PIEZO2: variants seen among roughly 807,000 people sequenced by gnomAD.
The protein encoded by PIEZO2 is piezo-type mechanosensitive ion channel component 2.
Under a neutral mutation model 337.3 loss-of-function variants are expected in PIEZO2, and 172 were observed. The ratio of observed to expected loss-of-function variants is 0.51; its 90% CI spans 0.45 to 0.58. The LOEUF (loss-of-function observed/expected upper bound fraction) is 0.58. Ranked by LOEUF, PIEZO2 falls within the 20% of genes least tolerant of loss-of-function variation. The pLI, the probability that PIEZO2 is intolerant of heterozygous loss-of-function variation, is 0.00. For missense variants in PIEZO2, 3,028 were observed against 3,391.3 expected (o/e 0.89, Z 2.66); for synonymous variants, 1,251 against 1,228.5 (o/e 1.02, Z -0.38).
Position 10,761,086 on chromosome 18 carries a change from A to G in PIEZO2, c.3275T>C (p.Leu1092Pro), listed in dbSNP as rs368201706. 3 of 1,537,132 alleles carry G rather than the reference A, an allele frequency of 2.0e-6. No homozygotes were observed. Among genetic ancestry groups the G allele is most frequent in the Non-Finnish European group, 2.6e-6 (3 of 1,146,888 alleles). The stretch of plus-strand genomic sequence containing the variant: ...GCGGTAAATGGTGACTTCAAAGGCC[A>G]GGATAGCCAGCATCAGGAGGTTATT... Reference protein sequence around the residue: ...LRNNLLMLAILAFEVTIYRHQ... With the variant: ...LRNNLLMLAIPAFEVTIYRHQ... The change falls in exon 24 of 56, where the codon CTG (leucine) becomes CCG (proline). Residue 1092 changes from leucine to proline, a missense_variant. Physicochemically the swap from Leu to Pro is moderately conservative, Grantham distance 98. Transcript: ENST00000674853.
intron 2 of PIEZO2, among the ~76,000 whole-genome samples, chr18:11,013,987 G>C (rs1429020696): frequency 2.6e-5 from 4 of 152,204 alleles, no homozygotes; most frequent in African/African-American, 9.7e-5. Context: ...CTTGCAATGG[G>C]GCTGAAGAAA....
At chr18:10,780,459 A>G in intron 17 of PIEZO2, 93 bp from the exon 18 acceptor site, 1 of 694,394 alleles carries the variant, frequency 1.4e-6, no homozygotes, top group Non-Finnish European at 2.6e-6. Context: ...AACAAAGTGG[A>G]CTCCCTTAAG....
In PIEZO2 at chr18:11,109,443, C is replaced by T. The variant is rs1042023467; in HGVS notation, c.64+39082G>A. ...TATGGAATTAGAAATAGGCCAGGCG[C>T]GGTGGCTCATGTCTGTAATCCCAGC... is the stretch of plus-strand genomic sequence containing the variant. On this transcript the variant is annotated intron_variant, in intron 1 of 55. Transcript: ENST00000674853. This position sits in a 1 kb window ranked among gnomAD's most constrained non-coding sequence, Gnocchi z 5.1. Among the ~76,000 whole-genome samples, 9 of 152,078 alleles carry T rather than the reference C, an allele frequency of 5.9e-5. No homozygotes were observed. The highest frequency in any genetic ancestry group is 8.8e-5 in the Non-Finnish European group (6 of 68,016).
In PIEZO2 at chr18:11,099,634, T is replaced by A. The variant is rs540884325; in HGVS notation, c.65-33412A>T. 2.0e-5 allele frequency among the ~76,000 whole-genome samples: 3 copies of A among 152,244 alleles called. No individual in the cohort carries two copies. The highest frequency in any genetic ancestry group is 7.2e-5 in the African/African-American group (3 of 41,552). On this transcript the variant is annotated intron_variant, in intron 1 of 55. Coordinates refer to ENST00000674853, the MANE Select transcript of PIEZO2 (RefSeq NM_001378183.1). The surrounding 1 kb of genome is among the most constrained non-coding windows in gnomAD (Gnocchi z 5.4). ...GGTGCCTGCCACCATGCCTAGCTAATTTTTGTATTTTTAGTAGAGACAGTG... is the reference window on the plus strand; with the variant it reads ...GGTGCCTGCCACCATGCCTAGCTAAATTTTGTATTTTTAGTAGAGACAGTG...
At chr18:10,770,488 A>G (rs938664686) in intron 20 of PIEZO2, among the ~76,000 whole-genome samples, 180 bp from the exon 21 acceptor site, 1 of 152,200 alleles carries the variant, frequency 6.6e-6, no homozygotes, top group Non-Finnish European at 1.5e-5. Flanking sequence ...GATGACACAG[A>G]TATCATACTC....
intron 3 of PIEZO2, among the ~76,000 whole-genome samples, chr18:10,947,004 T>C (rs1246403238): frequency 6.6e-6 from 1 of 151,894 alleles, no homozygotes; most frequent in African/African-American, 2.4e-5. Context: ...AAAATTTTAA[T>C]ACAAAATAGA....
At chr18:10,974,559 C>T (rs1214863093) in intron 3 of PIEZO2, among the ~76,000 whole-genome samples, 1 of 152,160 alleles carries the variant, frequency 6.6e-6, no homozygotes, top group Non-Finnish European at 1.5e-5. Flanking sequence ...TCCTAGGAGC[C>T]ACAGTGGAGG....
rs1222025280 is a variant in PIEZO2 at position 10,726,406 on chromosome 18, C to T, written c.5029+5001G>A. The T allele has an allele frequency of 6.5e-7, 1 of 1,528,168 alleles. No homozygotes were observed. The highest frequency in any genetic ancestry group is 2.5e-5 in the East Asian group (1 of 40,742). 94.7% of individuals were successfully genotyped at this position (1,528,168 alleles called of 1,614,324 possible). On this transcript the variant is annotated intron_variant, in intron 36 of 55. Transcript: ENST00000674853. The surrounding 1 kb of genome is among the most constrained non-coding windows in gnomAD (Gnocchi z 5.9). ...CGGGGCGGTAACAACGCGCGCCAGC[C>T]GTGGCACAACGCGGAGGGCCGGCTG...
chr18:10,756,705 G>T (rs1009650280), intron 27 of PIEZO2, among the ~76,000 whole-genome samples: 1 of 150,962 alleles, frequency 6.6e-6, no homozygotes, highest in African/African-American at 2.4e-5. Flanking sequence ...GAGAAATGGA[G>T]GATGAGGAGG....
chr18:10,743,482 C>A (rs2037304250), intron 31 of PIEZO2, among the ~76,000 whole-genome samples: 1 of 152,154 alleles, frequency 6.6e-6, no homozygotes, highest in Non-Finnish European at 1.5e-5. Flanking sequence ...TCCCAAGTCT[C>A]CGGAGTGGAG....
At chr18:10,742,830 A>G (rs1421869907) in intron 31 of PIEZO2, among the ~76,000 whole-genome samples, 1 of 137,908 alleles carries the variant, frequency 7.3e-6, no homozygotes, top group Admixed American at 7.2e-5. Flanking sequence ...GTGTGTGTGT[A>G]TTCCCATGTT....
At chr18:10,683,083 C>T (rs1439319073) in intron 49 of PIEZO2, among the ~76,000 whole-genome samples, 1 of 152,268 alleles carries the variant, frequency 6.6e-6, no homozygotes, top group Non-Finnish European at 1.5e-5. Context: ...CCATGACCTC[C>T]ATCCTTTCAG....
chr18:11,114,976 C>A (rs531184280), intron 1 of PIEZO2, among the ~76,000 whole-genome samples: 2 of 152,310 alleles, frequency 1.3e-5, no homozygotes, highest in African/African-American at 4.8e-5. Flanking sequence ...TCATCTAAAT[C>A]TGGTTATAAG....
chr18:10,948,909 G>A (rs954401557), intron 3 of PIEZO2, among the ~76,000 whole-genome samples: 1 of 152,182 alleles, frequency 6.6e-6, no homozygotes, highest in Non-Finnish European at 1.5e-5. Flanking sequence ...AACAATATAT[G>A]TGAGGGTGTT....
intron 2 of PIEZO2, among the ~76,000 whole-genome samples, chr18:11,062,834 T>C (rs909202355): frequency 6.6e-6 from 1 of 152,156 alleles, no homozygotes; most frequent in Non-Finnish European, 1.5e-5. Flanking sequence ...AGTTCAACCA[T>C]TGTGGAAGTC....
chr18:10,791,069 T>A, intron 14 of PIEZO2, 132 bp downstream of exon 14: 1 of 1,053,846 alleles, frequency 9.5e-7, no homozygotes, highest in Non-Finnish European at 1.3e-6. Flanking sequence ...CACGCTGTAA[T>A]AACGTTACTT....
chr18:10,780,215 C>G, intron 18 of PIEZO2, 110 bp downstream of exon 18: 2 of 673,146 alleles, frequency 3.0e-6, no homozygotes, highest in Non-Finnish European at 5.4e-6. Flanking sequence ...ACCTGAAGAC[C>G]AGTGTCCACT....
At chr18:10,805,540 A>AT (rs1167259417) in intron 8 of PIEZO2, among the ~76,000 whole-genome samples, 1 of 152,350 alleles carries the variant, frequency 6.6e-6, no homozygotes, top group African/African-American at 2.4e-5. Context: ...TGTATATTTA[A>AT]TTTTTTATGT....
At chr18:10,947,596 C>T (rs997630185) in intron 3 of PIEZO2, among the ~76,000 whole-genome samples, 2 of 152,074 alleles carry the variant, frequency 1.3e-5, no homozygotes, top group African/African-American at 4.8e-5. Flanking sequence ...AGTTCTCTCT[C>T]AAAAAAGAAA....
Sources: allele counts gnomAD v4.1 joint callset (sites outside exome capture counted in the v4.1 genomes callset), GRCh38; gene constraint gnomAD v4.1.1; non-coding constraint Gnocchi (gnomAD v3.1); transcripts MANE v1.5; gene names NCBI Gene and HGNC (gene_info 2026-07-23, HGNC 2026-07-21).